WDR7: variants seen among roughly 807,000 people sequenced by gnomAD.
The protein encoded by WDR7 is WD repeat-containing protein 7.
A neutral mutation model predicts 169.4 loss-of-function variants in WDR7; 46 were observed. That is an observed-to-expected ratio of 0.27 (90% CI 0.21 to 0.35). The LOEUF is 0.35. Ranked by LOEUF, WDR7 falls within the 10% of genes least tolerant of loss-of-function variation. WDR7 has a pLI of 1.00. For synonymous variants in WDR7, 612 were observed against 666.8 expected, an observed-to-expected ratio of 0.92 and a Z score of 1.27; for missense variants, 1,534 against 1,859.3, an observed-to-expected ratio of 0.83 and a Z score of 3.22.
intron 20 of WDR7, among the ~76,000 whole-genome samples, chr18:56,825,860 T>G (rs1324396937): frequency 6.6e-6 from 1 of 152,208 alleles, no homozygotes; most frequent in Non-Finnish European, 1.5e-5. Context: ...ATTGTCTAGA[T>G]AAACTAGAAT....
At chr18:56,693,654 C>G (rs776836388) in intron 9 of WDR7, among the ~76,000 whole-genome samples, 1 of 131,642 alleles carries the variant, frequency 7.6e-6, no homozygotes, top group Non-Finnish European at 1.6e-5. Context: ...TCACTGCAAC[C>G]TTTGCTTCCT....
chr18:56,681,478 A>G (rs2025349167), intron 4 of WDR7, 87 bp downstream of exon 4: 2 of 855,560 alleles, frequency 2.3e-6, no homozygotes, highest in Non-Finnish European at 3.3e-6. Flanking sequence ...CTATATTTTT[A>G]TATGAAAAAT....
At chr18:56,746,310 A>G (rs1470989186) in intron 14 of WDR7, among the ~76,000 whole-genome samples, 1 of 152,220 alleles carries the variant, frequency 6.6e-6, no homozygotes, top group Non-Finnish European at 1.5e-5. Context: ...CTCAATCACA[A>G]TCACACTAAG....
intron 26 of WDR7, among the ~76,000 whole-genome samples, chr18:56,977,257 C>T (rs2047581301): frequency 2.0e-5 from 3 of 152,134 alleles, no homozygotes; most frequent in South Asian, 4.1e-4. Flanking sequence ...AAGAACAAAA[C>T]GCTTGCCAAT....
chr18:56,786,119 A>G (rs2044395617), intron 19 of WDR7, among the ~76,000 whole-genome samples: 3 of 152,022 alleles, frequency 2.0e-5, no homozygotes, highest in South Asian at 4.1e-4. Flanking sequence ...CTCAGAATTC[A>G]CTTTAATTTA....
chr18:56,652,798 A>T (rs1175963183), intron 1 of WDR7, among the ~76,000 whole-genome samples: 1 of 152,156 alleles, frequency 6.6e-6, no homozygotes, highest in Admixed American at 6.5e-5. Flanking sequence ...ATTTTTTCTT[A>T]TTGCCACCTG....
chr18:56,902,916 G>A (rs563438791), intron 21 of WDR7, among the ~76,000 whole-genome samples: 32 of 152,144 alleles, frequency 2.1e-4, no homozygotes, highest in East Asian at 5.8e-4. Context: ...TCAAAAATGC[G>A]TTTTATGTCT....
intron 19 of WDR7, among the ~76,000 whole-genome samples, chr18:56,789,335 C>G (rs889160276): frequency 1.3e-5 from 2 of 152,206 alleles, no homozygotes; most frequent in African/African-American, 4.8e-5. Context: ...GACTTTACTT[C>G]TAAGTAATAA....
intron 1 of WDR7, among the ~76,000 whole-genome samples, chr18:56,665,774 T>C (rs1255908032): frequency 6.6e-6 from 1 of 152,182 alleles, no homozygotes; most frequent in African/African-American, 2.4e-5. Flanking sequence ...TTGAGTTCCC[T>C]GGTGAGCGGA....
chr18:56,935,846 G>A lies in WDR7; in HGVS notation c.3772G>A (p.Ala1258Thr). The A allele has an allele frequency of 1.2e-6, 2 of 1,614,114 alleles. No individual in the cohort carries two copies. The highest frequency in any genetic ancestry group is 1.7e-6 in the Non-Finnish European group (2 of 1,180,018). Residue 1258 changes from alanine (A) to threonine (T), a missense_variant, in exon 23 of 28, where the codon GCC (alanine) becomes ACC (threonine). Coordinates refer to ENST00000254442, the MANE Select transcript of WDR7 (RefSeq NM_015285.3). ...AADSARSARH[A>T]LSLIATARPP... is the part of the protein sequence containing the mutation. ...TGACTCGGCCCGCTCTGCGAGGCATGCCCTCTCGCTCATTGCCACCGCCAG... is the reference window on the plus strand; with the variant it reads ...TGACTCGGCCCGCTCTGCGAGGCATACCCTCTCGCTCATTGCCACCGCCAG...
At position 56,794,304 on chromosome 18, in the gene WDR7, A is replaced by ATTTTTTTTTTTTTTTTTTTTTTTTT. The variant is rs566857049; in HGVS notation, c.3190+12671_3190+12672insTTTTTTTTTTTTTTTTTTTTTTTTT. The stretch of plus-strand genomic sequence containing the variant: ...GTTTGTGTCTTAAAAGGTAAAGTCT[A>ATTTTTTTTTTTTTTTTTTTTTTTTT]TTTTTTTTTTTTTTTTTTTTTTTGA... On this transcript the variant is annotated intron_variant, in intron 19 of 27. Transcript: ENST00000254442. 5.7e-4 allele frequency among the ~76,000 whole-genome samples: 28 copies of ATTTTTTTTTTTTTTTTTTTTTTTTT among 49,464 alleles called. 11 individuals are homozygous for ATTTTTTTTTTTTTTTTTTTTTTTTT. Among genetic ancestry groups the ATTTTTTTTTTTTTTTTTTTTTTTTT allele is most frequent in the Non-Finnish European group, 8.0e-4 (21 of 26,186 alleles). 32.5% of individuals were successfully genotyped at this position (49,464 alleles called of 152,430 possible). A position where few individuals can be genotyped will look rare whatever the true frequency, so the allele number is the denominator to read the frequency against.
intron 25 of WDR7, among the ~76,000 whole-genome samples, chr18:56,946,024 T>A (rs2047098591): frequency 6.6e-6 from 1 of 152,256 alleles, no homozygotes; most frequent in Non-Finnish European, 1.5e-5. Flanking sequence ...TGCCACAGAA[T>A]GCCTGCTGAT....
chr18:56,762,929 G>C (rs1435239799), intron 16 of WDR7, among the ~76,000 whole-genome samples: 2 of 149,278 alleles, frequency 1.3e-5, no homozygotes, highest in Non-Finnish European at 3.0e-5. Context: ...GGTTGCCTAC[G>C]AATAAAGTTT....
intron 14 of WDR7, among the ~76,000 whole-genome samples, chr18:56,738,223 C>A (rs932146784): frequency 1.3e-5 from 2 of 152,186 alleles, no homozygotes; most frequent in African/African-American, 4.8e-5. Context: ...ATAAAATAAT[C>A]ATGATCTTCT....
chr18:56,704,768 T>C (rs2025911329), intron 12 of WDR7, among the ~76,000 whole-genome samples: 1 of 152,184 alleles, frequency 6.6e-6, no homozygotes, highest in East Asian at 1.9e-4. Flanking sequence ...TTAGAAATTC[T>C]TACATTTTGG....
intron 14 of WDR7, among the ~76,000 whole-genome samples, chr18:56,742,319 A>T (rs530792703): frequency 6.6e-6 from 1 of 152,334 alleles, no homozygotes; most frequent in African/African-American, 2.4e-5. Context: ...GCCCTTGTGT[A>T]TAATACTTTA....
chr18:56,739,324 G>C (rs2043576805), intron 14 of WDR7, among the ~76,000 whole-genome samples: 1 of 151,800 alleles, frequency 6.6e-6, no homozygotes, highest in South Asian at 2.1e-4. Context: ...GTACATCTTT[G>C]ACTTATTACA....
intron 20 of WDR7, among the ~76,000 whole-genome samples, chr18:56,869,734 A>G (rs1365293626): frequency 6.6e-6 from 1 of 152,128 alleles, no homozygotes; most frequent in African/African-American, 2.4e-5. Context: ...TAAAAACTTT[A>G]TTTTATTTAC....
At chr18:56,909,583 T>C (rs543435314) in intron 21 of WDR7, among the ~76,000 whole-genome samples, 288 of 152,242 alleles carry the variant, frequency 1.9e-3, no homozygotes, top group African/African-American at 6.6e-3. Flanking sequence ...AATTTTGAAG[T>C]ATTTGGACAT....
Sources: gnomAD v4.1 joint callset for allele counts (sites outside exome capture counted in the v4.1 genomes callset) on GRCh38, gnomAD v4.1.1 for gene constraint, MANE v1.5 for transcripts, NCBI Gene and HGNC (gene_info 2026-07-23, HGNC 2026-07-21) for gene names.